Variants in PUM1 observed in about 807,000 individuals in gnomAD.
The protein encoded by PUM1 is pumilio RNA binding family member 1.
A neutral mutation model predicts 131.8 loss-of-function variants in PUM1; 13 were observed. That is an observed-to-expected ratio of 0.10 (90% CI 0.06 to 0.16). PUM1 has a LOEUF of 0.16. Ranked by LOEUF, PUM1 falls within the 10% of genes least tolerant of loss-of-function variation. PUM1 has a pLI of 1.00. For synonymous variants in PUM1, 509 were observed against 556.5 expected, an observed-to-expected ratio of 0.91 and a Z score of 1.20; for missense variants, 961 against 1,512.4, an observed-to-expected ratio of 0.64 and a Z score of 6.05.
At chr1:31,037,556 T>A (rs1369859345) in intron 2 of PUM1, among the ~76,000 whole-genome samples, 1 of 151,864 alleles carries the variant, frequency 6.6e-6, no homozygotes, top group Non-Finnish European at 1.5e-5. Context: ...CTGCCTCTAC[T>A]AAAAATACAA....
intron 2 of PUM1, among the ~76,000 whole-genome samples, chr1:31,033,877 C>T (rs1643520971): frequency 6.6e-6 from 1 of 151,928 alleles, no homozygotes; most frequent in Admixed American, 6.6e-5. Flanking sequence ...AATTCCTGAC[C>T]TCAAGCAATC....
At chr1:30,979,518 C>A (rs969411486) in intron 9 of PUM1, among the ~76,000 whole-genome samples, 9 of 151,966 alleles carry the variant, frequency 5.9e-5, no homozygotes, top group Admixed American at 5.9e-4. Context: ...AACACCACCA[C>A]CCCCACCCCG....
At chr1:30,960,900 C>CGCCTAA (rs1640376671) in intron 14 of PUM1, among the ~76,000 whole-genome samples, 1 of 151,592 alleles carries the variant, frequency 6.6e-6, no homozygotes, top group Admixed American at 6.6e-5. Flanking sequence ...AAGATTTCTT[C>CGCCTAA]GATACTATTC....
intron 6 of PUM1, among the ~76,000 whole-genome samples, chr1:30,993,968 G>A (rs1376069586): frequency 6.6e-6 from 1 of 152,202 alleles, no homozygotes; most frequent in Non-Finnish European, 1.5e-5. Flanking sequence ...TACTCGGGAG[G>A]CTGAAGTGGG....
intron 3 of PUM1, among the ~76,000 whole-genome samples, chr1:31,019,295 T>C (rs1202703186): frequency 1.3e-5 from 2 of 152,214 alleles, no homozygotes; most frequent in Non-Finnish European, 2.9e-5. Flanking sequence ...GAGGTTGCAG[T>C]GAGCCAACAT....
chr1:30,998,618 A>C (rs1331298431), intron 5 of PUM1, among the ~76,000 whole-genome samples: 1 of 152,222 alleles, frequency 6.6e-6, no homozygotes, highest in African/African-American at 2.4e-5. Context: ...GATCTACTCC[A>C]AGAATAGATA....
intron 7 of PUM1, among the ~76,000 whole-genome samples, chr1:30,987,344 G>A (rs537280946): frequency 2.2e-4 from 33 of 152,090 alleles, no homozygotes; most frequent in Non-Finnish European, 4.1e-4. Flanking sequence ...CTACAGGCGT[G>A]TGCTACCACG....
At chr1:30,976,039 G>A (rs567384661) in intron 9 of PUM1, among the ~76,000 whole-genome samples, 2 of 147,310 alleles carry the variant, frequency 1.4e-5, no homozygotes, top group East Asian at 4.0e-4. Flanking sequence ...AGTGAGCCAA[G>A]ATTGTACCAC....
intron 10 of PUM1, among the ~76,000 whole-genome samples, chr1:30,970,742 T>A (rs574767272): frequency 1.3e-3 from 204 of 152,214 alleles, no homozygotes; most frequent in African/African-American, 4.3e-3. Context: ...TCAGAAGAGA[T>A]CTCACTCTAG....
Position 30,945,357 on chromosome 1 carries a change from A to G in PUM1, c.2983T>C (p.Phe995Leu), listed in dbSNP as rs756694069. ...CCTGGGTCACTTACCTGTCCCTTAA[A>G]CGCATCGATGATAAATTGCAAAGAC... Reference protein sequence around the residue: ...PQSLQFIIDAFKGQVFALSTH... With the variant: ...PQSLQFIIDALKGQVFALSTH... The change falls in exon 18 of 22, where the codon TTT (phenylalanine) becomes CTT (leucine). Residue 995 changes from phenylalanine (F) to leucine (L), a missense_variant. Phe to Leu is a conservative substitution (Grantham distance 22). This residue lies in a region of PUM1 where 178 missense variants were observed against 327.5 expected (regional missense o/e 0.54). Transcript: ENST00000426105. 6.2e-7 allele frequency: 1 copy of G among 1,614,152 alleles called. No homozygotes were observed. Among genetic ancestry groups the G allele is most frequent in the Non-Finnish European group, 8.5e-7 (1 of 1,180,012 alleles).
chr1:31,038,986 T>TA (rs1557599381), intron 2 of PUM1, among the ~76,000 whole-genome samples: 490 of 27,414 alleles, frequency 0.018, 5 homozygotes, highest in East Asian at 0.039. Flanking sequence ...ATATATATAT[T>TA]TTTTTTTTTT....
chr1:30,989,548 G>A (rs1398116887), intron 7 of PUM1, among the ~76,000 whole-genome samples: 4 of 124,400 alleles, frequency 3.2e-5, no homozygotes, highest in Non-Finnish European at 4.7e-5. Context: ...CTCCAGCCTG[G>A]GCAAAAGAGT....
At chr1:30,949,052 C>T in intron 17 of PUM1, 1 of 456,128 alleles carries the variant, frequency 2.2e-6, no homozygotes, top group Admixed American at 2.3e-5. Context: ...CTTCAACTGC[C>T]ACTGCCAACA....
intron 20 of PUM1, among the ~76,000 whole-genome samples, chr1:30,939,109 C>T (rs1057194588): frequency 1.9e-4 from 29 of 152,250 alleles, no homozygotes; most frequent in African/African-American, 5.1e-4. Flanking sequence ...TTTTAGACTA[C>T]CCACTGATTT....
intron 14 of PUM1, among the ~76,000 whole-genome samples, chr1:30,956,086 G>A (rs977152323): frequency 6.6e-6 from 1 of 152,166 alleles, no homozygotes; most frequent in Non-Finnish European, 1.5e-5. Flanking sequence ...CAGGGTCAAG[G>A]CCCTTTCGGG....
At chr1:31,007,837 A>C (rs1290769377) in intron 3 of PUM1, among the ~76,000 whole-genome samples, 1 of 152,220 alleles carries the variant, frequency 6.6e-6, no homozygotes, top group Non-Finnish European at 1.5e-5. Context: ...AGCTTCAACA[A>C]AAAAATGCAA....
chr1:30,999,935 C>T (rs905528143), intron 5 of PUM1, among the ~76,000 whole-genome samples: 2 of 152,160 alleles, frequency 1.3e-5, no homozygotes, highest in Admixed American at 6.5e-5. Flanking sequence ...TACAAGTATA[C>T]GGCCAATATG....
chr1:31,040,535 G>A (rs546043648), intron 2 of PUM1, among the ~76,000 whole-genome samples: 1 of 152,236 alleles, frequency 6.6e-6, no homozygotes, highest in East Asian at 1.9e-4. Context: ...ATAAAAATAG[G>A]ATGGGTATTC....
At chr1:30,972,617 T>C (rs1282227434) in intron 10 of PUM1, among the ~76,000 whole-genome samples, 8 of 134,752 alleles carry the variant, frequency 5.9e-5, no homozygotes, top group African/African-American at 5.7e-5. Flanking sequence ...CTACTAAAAA[T>C]ACAAAAATTA....
Sources: allele counts gnomAD v4.1 joint callset (sites outside exome capture counted in the v4.1 genomes callset), GRCh38; gene constraint gnomAD v4.1.1; regional missense constraint gnomAD v4.1.1; transcripts MANE v1.5; gene names NCBI Gene and HGNC (gene_info 2026-07-23, HGNC 2026-07-21).